SYNPO2: variants seen among roughly 807,000 people sequenced by gnomAD.
SYNPO2 encodes the protein synaptopodin 2.
SYNPO2 carries 56 observed loss-of-function variants against 85.0 expected under a neutral mutation model. The observed-to-expected ratio is 0.66, with a 90% CI of 0.53 to 0.82. The LOEUF is 0.82. SYNPO2 is among the 40% of genes least tolerant of loss of function. SYNPO2 has a pLI of 0.00. For missense variants in SYNPO2, 1,575 were observed against 1,534.2 expected (o/e 1.03, Z -0.44); for synonymous variants, 602 against 591.1 (o/e 1.02, Z -0.27).
intron 1 of SYNPO2, among the ~76,000 whole-genome samples, chr4:118,936,265 C>G (rs1734096880): frequency 1.3e-5 from 2 of 152,118 alleles, no homozygotes; most frequent in Admixed American, 1.3e-4. Flanking sequence ...GTTCATTTCT[C>G]AAACATATCT....
intron 1 of SYNPO2, among the ~76,000 whole-genome samples, chr4:118,893,214 T>A (rs1732432601): frequency 6.6e-6 from 1 of 152,200 alleles, no homozygotes; most frequent in African/African-American, 2.4e-5. Flanking sequence ...TCTAGATAAA[T>A]CTATTAAGTA....
intron 4 of SYNPO2, among the ~76,000 whole-genome samples, chr4:119,054,653 C>A (rs1351170089): frequency 6.6e-6 from 1 of 152,028 alleles, no homozygotes; most frequent in Non-Finnish European, 1.5e-5. Context: ...AGTCTGGGGT[C>A]TTTATAATAG....
chr4:118,962,159 C>G lies in SYNPO2; in HGVS notation c.106-61271C>G, dbSNP rs568040624. 2.6e-5 allele frequency among the ~76,000 whole-genome samples: 4 copies of G among 152,240 alleles called. No individual in the cohort carries two copies. The South Asian group carries it at 8.3e-4, about 32-fold the overall frequency. ...GCAGCAATGGATGAATTCCTGAGAGCAGATGAGCTCACTGAGGGACTGCTT... is the reference window on the plus strand; with the variant it reads ...GCAGCAATGGATGAATTCCTGAGAGGAGATGAGCTCACTGAGGGACTGCTT... On this transcript the variant is annotated intron_variant, in intron 1 of 4. Coordinates refer to ENST00000307142, the MANE Select transcript of SYNPO2 (RefSeq NM_133477.3).
chr4:118,961,604 T>A (rs1194050700), intron 1 of SYNPO2, among the ~76,000 whole-genome samples: 1 of 152,194 alleles, frequency 6.6e-6, no homozygotes, highest in African/African-American at 2.4e-5. Flanking sequence ...TAACTTCCTA[T>A]ATAGCTCTAA....
chr4:118,968,418 A>C (rs1366435256), intron 1 of SYNPO2, among the ~76,000 whole-genome samples: 4 of 152,196 alleles, frequency 2.6e-5, no homozygotes, highest in African/African-American at 9.6e-5. Context: ...ACCATTAACC[A>C]TTTAACCATT....
At chr4:118,900,741 GTCTATCTATCTATCTATCTATCTA>G (rs200026031) in intron 1 of SYNPO2, among the ~76,000 whole-genome samples, 8 of 86,296 alleles carry the variant, frequency 9.3e-5, no homozygotes, top group South Asian at 1.0e-3. Flanking sequence ...ATGTCTGTCT[GTCTATCTATCTATCTATCTATCTA>G]TCTATCTATC....
intron 1 of SYNPO2, among the ~76,000 whole-genome samples, chr4:118,898,090 G>A (rs985376095): frequency 6.6e-6 from 1 of 152,100 alleles, no homozygotes; most frequent in African/African-American, 2.4e-5. Context: ...GATTTTCCAT[G>A]TCTTCTTGAA....
intron 4 of SYNPO2, among the ~76,000 whole-genome samples, chr4:119,052,469 C>T (rs1356342331): frequency 6.6e-6 from 1 of 152,220 alleles, no homozygotes; most frequent in East Asian, 1.9e-4. Context: ...CCTCTCTGGG[C>T]CTGTCTGGCC....
chr4:119,011,554 A>G (rs188152263), intron 1 of SYNPO2, among the ~76,000 whole-genome samples: 2 of 152,290 alleles, frequency 1.3e-5, no homozygotes, highest in Admixed American at 1.3e-4. Context: ...GGAATTCTCT[A>G]TGTATTACAA....
At chr4:118,926,306 T>A (rs912825649) in intron 1 of SYNPO2, among the ~76,000 whole-genome samples, 1 of 152,114 alleles carries the variant, frequency 6.6e-6, no homozygotes, top group East Asian at 1.9e-4. Flanking sequence ...TTTCACATAA[T>A]TCTTGAGTCC....
At chr4:118,947,672 T>G (rs765795049) in intron 1 of SYNPO2, among the ~76,000 whole-genome samples, 34 of 152,238 alleles carry the variant, frequency 2.2e-4, no homozygotes, top group Admixed American at 3.9e-4. Flanking sequence ...ATTCTCTTGT[T>G]AAAAGGCTGT....
intron 4 of SYNPO2, among the ~76,000 whole-genome samples, chr4:119,054,748 C>A (rs1294387683): frequency 1.3e-5 from 2 of 152,226 alleles, no homozygotes; most frequent in East Asian, 1.9e-4. Flanking sequence ...CACAAAGAAC[C>A]AATCAGGAGA....
intron 4 of SYNPO2, among the ~76,000 whole-genome samples, chr4:119,049,112 T>G (rs1184161960): frequency 6.6e-6 from 1 of 152,190 alleles, no homozygotes; most frequent in Admixed American, 6.5e-5. Flanking sequence ...GGATGTATTT[T>G]GAAGTCAGTG....
chr4:118,901,236 A>G (rs1732744511), intron 1 of SYNPO2, among the ~76,000 whole-genome samples: 1 of 152,198 alleles, frequency 6.6e-6, no homozygotes, highest in South Asian at 2.1e-4. Flanking sequence ...TTTTAAATTG[A>G]GTATTGCCTG....
rs183160699 is a variant in SYNPO2 at position 119,030,407 on chromosome 4, A to T, written c.1632A>T (p.Val544=). The change falls in exon 4 of 5, where the codon GTA becomes GTT. Residue 544 remains valine (V), a synonymous_variant. Coordinates refer to ENST00000307142, the MANE Select transcript of SYNPO2 (RefSeq NM_133477.3). Reference sequence around the variant, plus strand: ...ACCAAAGAAAGGAGGAAGAGTCGGTAAGAACGCAGAGCTCTGTGAGCAAAA... The same window carrying T: ...ACCAAAGAAAGGAGGAAGAGTCGGTTAGAACGCAGAGCTCTGTGAGCAAAA... ...TSYQRKEEES[V]RTQSSVSKSY... The T allele has an allele frequency of 2.4e-5, 39 of 1,614,202 alleles. No homozygotes were observed. In the Admixed American group the frequency reaches 5.7e-4, roughly 23 times the overall value.
chr4:118,888,907 G>C lies in SYNPO2; in HGVS notation c.-130G>C, dbSNP rs1732268652. The C allele has an allele frequency of 1.1e-6, 1 of 894,366 alleles. No individual in the cohort carries two copies. The highest frequency in any genetic ancestry group is 1.7e-5 in the African/African-American group (1 of 59,026). 55.4% of individuals were successfully genotyped at this position (894,366 alleles called of 1,614,324 possible). On this transcript the variant is annotated 5_prime_UTR_variant, in exon 1 of 5. Transcript: ENST00000307142. ...GGCGGCTGGGGCAGCGGCTGCAGCAGCGGCGGACGCTCTGCATTACCCAGT... is the reference window on the plus strand; with the variant it reads ...GGCGGCTGGGGCAGCGGCTGCAGCACCGGCGGACGCTCTGCATTACCCAGT...
chr4:118,945,043 A>G (rs1734448766), intron 1 of SYNPO2, among the ~76,000 whole-genome samples: 1 of 152,214 alleles, frequency 6.6e-6, no homozygotes, highest in African/African-American at 2.4e-5. Context: ...TATGGTATTT[A>G]TCTTCTGGCA....
At chr4:119,021,617 G>A (rs1737725856) in intron 1 of SYNPO2, among the ~76,000 whole-genome samples, 1 of 152,140 alleles carries the variant, frequency 6.6e-6, no homozygotes, top group Non-Finnish European at 1.5e-5. Context: ...GGCTCCAGCA[G>A]GAAATAGGTG....
At chr4:118,982,001 C>T (rs1005274034) in intron 1 of SYNPO2, among the ~76,000 whole-genome samples, 6 of 152,200 alleles carry the variant, frequency 3.9e-5, no homozygotes, top group Admixed American at 2.0e-4. Context: ...TGTGTTTTGA[C>T]CAACTAATAC....
Sources: gnomAD v4.1 joint callset for allele counts (sites outside exome capture counted in the v4.1 genomes callset) on GRCh38, gnomAD v4.1.1 for gene constraint, MANE v1.5 for transcripts, NCBI Gene and HGNC (gene_info 2026-07-23, HGNC 2026-07-21) for gene names.